CEP85: variants seen among roughly 807,000 people sequenced by gnomAD.
CEP85 encodes the protein centrosomal protein 85, also known as centrosomal protein of 85 kDa.
A neutral mutation model predicts 93.7 loss-of-function variants in CEP85; 58 were observed. That is an observed-to-expected ratio of 0.62 (90% CI 0.50 to 0.77). CEP85 has a LOEUF of 0.77. Ranked by LOEUF, CEP85 falls within the 30% of genes least tolerant of loss-of-function variation. The pLI is 0.00. For missense variants in CEP85, 868 were observed against 922.0 expected (o/e 0.94, Z 0.76); for synonymous variants, 314 against 338.6 (o/e 0.93, Z 0.80).
chr1:26,248,362 A>G (rs1021701258), intron 3 of CEP85, among the ~76,000 whole-genome samples: 1 of 152,184 alleles, frequency 6.6e-6, no homozygotes, highest in Non-Finnish European at 1.5e-5. Flanking sequence ...ATTCAGTTAC[A>G]TTGCTACACA....
chr1:26,263,724 A>G (rs1032049214), intron 7 of CEP85, among the ~76,000 whole-genome samples: 9 of 152,162 alleles, frequency 5.9e-5, no homozygotes, highest in South Asian at 2.1e-4. Flanking sequence ...CCCCAGCACA[A>G]CCCCACAATT....
chr1:26,244,248 C>T lies in CEP85; in HGVS notation c.138C>T (p.Phe46=). Residue 46 remains phenylalanine (F), a synonymous_variant, in exon 3 of 14, where the codon TTC becomes TTT. Transcript: ENST00000451429. The part of the protein sequence containing the change: ...PVISEPFRSR[F]SRCSSVADSG... ...TCTCGGAGCCCTTTCGGAGCCGCTT[C>T]AGCCGCTGTTCAAGTGTAGCCGACA... 1 of 1,613,918 alleles carries T rather than the reference C, an allele frequency of 6.2e-7. No individual in the cohort carries two copies. Among genetic ancestry groups the T allele is most frequent in the Non-Finnish European group, 8.5e-7 (1 of 1,179,922 alleles).
intron 1 of CEP85, among the ~76,000 whole-genome samples, chr1:26,236,432 C>T (rs1238594530): frequency 6.6e-6 from 1 of 151,130 alleles, no homozygotes; most frequent in Non-Finnish European, 1.5e-5. Context: ...TCCATTCACT[C>T]CCTTTCTAAG....
At chr1:26,270,886 C>A in intron 9 of CEP85, 128 bp from the exon 10 acceptor site, 1 of 623,702 alleles carries the variant, frequency 1.6e-6, no homozygotes, top group African/African-American at 1.8e-5. Flanking sequence ...ACAGCAGACC[C>A]AAGTATTATC....
At chr1:26,269,821 C>G (rs1196614837) in intron 9 of CEP85, among the ~76,000 whole-genome samples, 1 of 115,000 alleles carries the variant, frequency 8.7e-6, no homozygotes, top group Non-Finnish European at 1.7e-5. Flanking sequence ...GAGTCTTGCT[C>G]TGTCGCCCAG....
rs749420217 is a variant in CEP85, at chr1:26,275,080, C to T, written c.1902+9C>T. The T allele has an allele frequency of 2.2e-5, 35 of 1,555,942 alleles. No homozygotes were observed. Among genetic ancestry groups the T allele is most frequent in the Non-Finnish European group, 3.0e-5 (34 of 1,148,544 alleles). On this transcript the variant is annotated intron_variant, in intron 12 of 13. Coordinates refer to ENST00000451429, the MANE Select transcript of CEP85 (RefSeq NM_001319944.2). ...GCACAGCCGTGAAGGAGGTGAGCAA[C>T]ATTAGTCAGACCTCTTGGTTTTGCC...
At chr1:26,265,410 C>T (rs2089879167) in intron 7 of CEP85, among the ~76,000 whole-genome samples, 1 of 152,126 alleles carries the variant, frequency 6.6e-6, no homozygotes, top group South Asian at 2.1e-4. Flanking sequence ...TGAGCCACCA[C>T]ACCCGGCCAT....
chr1:26,237,148 A>G (rs1481041531), intron 1 of CEP85, among the ~76,000 whole-genome samples: 2 of 152,054 alleles, frequency 1.3e-5, no homozygotes, highest in Non-Finnish European at 2.9e-5. Context: ...TTGGAATGCC[A>G]TTGGCCAAGG....
At chr1:26,250,932 CTTTTTTTT>C (rs869156420) in intron 3 of CEP85, among the ~76,000 whole-genome samples, 8 of 17,506 alleles carry the variant, frequency 4.6e-4, no homozygotes, top group South Asian at 3.7e-3. Context: ...TTTCTTTTTT[CTTTTTTTT>C]TTTTTTTTTT....
chr1:26,275,618 T>C (rs2090043110), intron 12 of CEP85, among the ~76,000 whole-genome samples: 1 of 152,184 alleles, frequency 6.6e-6, no homozygotes, highest in Non-Finnish European at 1.5e-5. Flanking sequence ...TCTCTCTTCC[T>C]TTGTCTTGAA....
At chr1:26,257,760 G>T in intron 5 of CEP85, 30 bp downstream of exon 5, 1 of 1,612,874 alleles carries the variant, frequency 6.2e-7, no homozygotes, top group South Asian at 1.1e-5. Flanking sequence ...CACAGAGCCA[G>T]ACTACTCTCC....
At chr1:26,246,447 A>G (rs2089509924) in intron 3 of CEP85, among the ~76,000 whole-genome samples, 1 of 152,188 alleles carries the variant, frequency 6.6e-6, no homozygotes. Flanking sequence ...TTAAAAACAT[A>G]TACTGGCCAG....
intron 1 of CEP85, among the ~76,000 whole-genome samples, chr1:26,235,365 T>C (rs10493030): frequency 0.16 from 25,081 of 152,070 alleles, 2,168 homozygotes; most frequent in Middle Eastern, 0.21. Context: ...GACTTTTCTT[T>C]GTAAAGGCAA....
chr1:26,239,905 T>TA (rs1395982938), intron 2 of CEP85, 67 bp downstream of exon 2: 1 of 1,177,696 alleles, frequency 8.5e-7, no homozygotes, highest in African/African-American at 1.5e-5. Context: ...TTCCTTAAGG[T>TA]AAATATTGAA....
intron 4 of CEP85, among the ~76,000 whole-genome samples, chr1:26,257,055 T>A (rs2089718145): frequency 6.6e-6 from 1 of 151,796 alleles, no homozygotes; most frequent in Admixed American, 6.6e-5. Flanking sequence ...CTCAGCCTCC[T>A]GAGTAGCTAG....
At chr1:26,235,479 G>C (rs1164955539) in intron 1 of CEP85, among the ~76,000 whole-genome samples, 1 of 151,364 alleles carries the variant, frequency 6.6e-6, no homozygotes, top group Non-Finnish European at 1.5e-5. Flanking sequence ...TGTGTCAGCT[G>C]TCTGTGTATC....
chr1:26,242,988 C>T (rs116756549), intron 2 of CEP85, among the ~76,000 whole-genome samples: 2,088 of 152,184 alleles, frequency 0.014, 49 homozygotes, highest in African/African-American at 0.048. Flanking sequence ...TTGTCTTAAC[C>T]TTCTCAGCAG....
chr1:26,273,324 A>G (rs1320083514), intron 11 of CEP85, among the ~76,000 whole-genome samples: 1 of 152,048 alleles, frequency 6.6e-6, no homozygotes, highest in Non-Finnish European at 1.5e-5. Flanking sequence ...CCCGAAATGC[A>G]CTCGTTTTGA....
intron 7 of CEP85, among the ~76,000 whole-genome samples, chr1:26,262,427 G>A (rs532685709): frequency 3.3e-5 from 5 of 151,970 alleles, no homozygotes; most frequent in South Asian, 4.2e-4. Context: ...GCAGTGAGCC[G>A]AGATAGCACC....
Sources: allele counts gnomAD v4.1 joint callset (sites outside exome capture counted in the v4.1 genomes callset), GRCh38; gene constraint gnomAD v4.1.1; transcripts MANE v1.5; gene names NCBI Gene and HGNC (gene_info 2026-07-23, HGNC 2026-07-21).